Variants in HYDIN observed in about 807,000 individuals in gnomAD.
HYDIN encodes HYDIN axonemal central pair apparatus protein.
Under a neutral mutation model 403.9 loss-of-function variants are expected in HYDIN, and 132 were observed. That is an observed-to-expected ratio of 0.33 (90% CI 0.28 to 0.38). HYDIN has a LOEUF of 0.38. HYDIN is among the 10% of genes least tolerant of loss of function. The pLI is 1.00. For missense variants in HYDIN, 2,827 were observed against 5,009.5 expected (o/e 0.56, Z 13.15); for synonymous variants, 1,202 against 1,891.7 (o/e 0.64, Z 9.46).
chr16:70,989,925 G>T (rs946210806), intron 25 of HYDIN, among the ~76,000 whole-genome samples: 3 of 152,140 alleles, frequency 2.0e-5, no homozygotes, highest in African/African-American at 7.2e-5. Flanking sequence ...GATATTCCAC[G>T]CACAAGCAAA....
chr16:70,982,023 G>A, intron 28 of HYDIN, among the ~76,000 whole-genome samples: 1 of 150,734 alleles, frequency 6.6e-6, no homozygotes. Context: ...AGCTACTCGG[G>A]AGGCTGAGGC....
intron 1 of HYDIN, among the ~76,000 whole-genome samples, chr16:71,188,424 C>T (rs2087260400): frequency 6.6e-6 from 1 of 152,164 alleles, no homozygotes; most frequent in Non-Finnish European, 1.5e-5. Flanking sequence ...GGAGCCCATT[C>T]TATCACAGCT....
At chr16:70,826,764 T>C (rs1053307010) in intron 83 of HYDIN, among the ~76,000 whole-genome samples, 5 of 145,996 alleles carry the variant, frequency 3.4e-5, no homozygotes, top group African/African-American at 5.5e-5. Flanking sequence ...TGTTCCTAGA[T>C]ACTTTCTTTT....
At chr16:71,099,013 T>C (rs2083376584) in intron 10 of HYDIN, among the ~76,000 whole-genome samples, 1 of 151,030 alleles carries the variant, frequency 6.6e-6, no homozygotes, top group Non-Finnish European at 1.5e-5. Flanking sequence ...ATGGAGGAAC[T>C]AGTAAACTTT....
chr16:71,208,827 C>T (rs1002798033), intron 1 of HYDIN, among the ~76,000 whole-genome samples: 4 of 152,150 alleles, frequency 2.6e-5, no homozygotes, highest in Admixed American at 6.5e-5. Context: ...TACATACATC[C>T]TCCCAAGACT....
chr16:70,850,983 G>A (rs529095874), intron 73 of HYDIN, among the ~76,000 whole-genome samples: 1 of 152,066 alleles, frequency 6.6e-6, no homozygotes, highest in South Asian at 2.1e-4. Flanking sequence ...CTAGCCATAA[G>A]CCAGAAGAAT....
intron 8 of HYDIN, among the ~76,000 whole-genome samples, chr16:71,134,973 T>C (rs1486898387): frequency 6.6e-6 from 1 of 152,196 alleles, no homozygotes; most frequent in Non-Finnish European, 1.5e-5. Flanking sequence ...AAGCACGTCG[T>C]AGACTCTTTA....
intron 7 of HYDIN, among the ~76,000 whole-genome samples, chr16:71,139,888 A>C (rs1250221829): frequency 6.6e-6 from 1 of 151,774 alleles, no homozygotes; most frequent in Non-Finnish European, 1.5e-5. Context: ...ACAGTTCAAA[A>C]GGCCAGTGAA....
At chr16:70,902,920 C>T (rs1798469) in intron 52 of HYDIN, among the ~76,000 whole-genome samples, 129 of 144,732 alleles carry the variant, frequency 8.9e-4, no homozygotes, top group South Asian at 1.8e-3. Flanking sequence ...CACTATTTAC[C>T]GGGGTTCTGC....
At chr16:70,922,195 TG>T (rs1003983619) in intron 45 of HYDIN, among the ~76,000 whole-genome samples, 13 of 152,206 alleles carry the variant, frequency 8.5e-5, no homozygotes, top group East Asian at 1.9e-4. Flanking sequence ...CAACACAGCC[TG>T]GGGAGGCAGC....
chr16:71,089,311 C>T (rs1284675560), intron 11 of HYDIN, among the ~76,000 whole-genome samples: 5 of 152,138 alleles, frequency 3.3e-5, no homozygotes, highest in Non-Finnish European at 7.4e-5. Context: ...AATTCTTGTG[C>T]ATGAACCTTC....
intron 69 of HYDIN, 62 bp from the exon 70 acceptor site, chr16:70,860,963 G>C (rs1444542909): frequency 3.9e-5 from 39 of 999,602 alleles, no homozygotes; most frequent in Non-Finnish European, 5.3e-5. Context: ...TTTCTTAGTT[G>C]GTTGGAAATG....
chr16:71,077,231 T>C (rs2082647888), intron 13 of HYDIN, among the ~76,000 whole-genome samples: 1 of 152,114 alleles, frequency 6.6e-6, no homozygotes, highest in Non-Finnish European at 1.5e-5. Context: ...CATTATAATA[T>C]CTGATAAAGT....
At position 70,818,399 on chromosome 16, in the gene HYDIN, T is replaced by C. The variant is rs1045123127; in HGVS notation, c.14601A>G (p.Glu4867=). The C allele has an allele frequency of 3.1e-6, 5 of 1,613,682 alleles. No homozygotes were observed. Among genetic ancestry groups the C allele is most frequent in the Non-Finnish European group, 4.2e-6 (5 of 1,179,832 alleles). Residue 4867 remains glutamate (E), a synonymous_variant, in exon 84 of 86, where the codon GAA becomes GAG. Coordinates refer to ENST00000393567, the MANE Select transcript of HYDIN (RefSeq NM_001270974.2). ...PLPYSVTFST[E]CRMPDIALPS... is the part of the protein sequence containing the mutation. ...GCAGGGCGATGTCGGGCATCCGGCA[T>C]TCCGTGGAGAAGGTCACCGAGTAGG...
intron 18 of HYDIN, among the ~76,000 whole-genome samples, chr16:71,052,422 C>T (rs1003762363): frequency 2.2e-4 from 34 of 151,660 alleles, no homozygotes; most frequent in African/African-American, 6.5e-4. Context: ...GGTGATAGGA[C>T]GAATGGCTTT....
chr16:70,892,713 A>G (rs2041545910), intron 55 of HYDIN, among the ~76,000 whole-genome samples, 184 bp from the exon 56 acceptor site: 1 of 151,996 alleles, frequency 6.6e-6, no homozygotes, highest in Non-Finnish European at 1.5e-5. Flanking sequence ...TGACCAGGCT[A>G]GGAATTGATG....
chr16:70,958,198 T>C (rs1258076080), intron 39 of HYDIN, among the ~76,000 whole-genome samples: 3 of 152,118 alleles, frequency 2.0e-5, no homozygotes, highest in Admixed American at 6.5e-5. Flanking sequence ...GAGTCTCTTA[T>C]TGCCTTCAAA....
rs746721485 is a variant in HYDIN at position 70,879,425 on chromosome 16, C to T, written c.10429G>A (p.Val3477Met). The change falls in exon 62 of 86, where the codon GTG becomes ATG. Residue 3477 changes from valine to methionine, a missense_variant. Physicochemically the swap from Val to Met is conservative, Grantham distance 21. Transcript: ENST00000393567. The stretch of plus-strand genomic sequence containing the variant: ...TGAAGAACTGGCCGCACAACCGTCA[C>T]TCGAGGGAGGTTCCCCTCACCAGCG... ...DIAGEGNLPRVTVVRPVLHNQ... is the reference protein window; with the variant it reads ...DIAGEGNLPRMTVVRPVLHNQ... The T allele has an allele frequency of 2.5e-6, 4 of 1,611,544 alleles. No individual in the cohort carries two copies. The highest frequency in any genetic ancestry group is 1.7e-5 in the Admixed American group (1 of 59,894).
At chr16:70,871,013 C>T (rs1616648) in intron 65 of HYDIN, among the ~76,000 whole-genome samples, 16 of 151,994 alleles carry the variant, frequency 1.1e-4, no homozygotes, top group African/African-American at 3.4e-4. Flanking sequence ...CCTGGGTGAC[C>T]GAGTGAGACT....
Sources: gnomAD v4.1 joint callset for allele counts (sites outside exome capture counted in the v4.1 genomes callset) on GRCh38, gnomAD v4.1.1 for gene constraint, MANE v1.5 for transcripts, NCBI Gene and HGNC (gene_info 2026-07-23, HGNC 2026-07-21) for gene names.